Variants in RUFY1 observed in about 807,000 individuals in gnomAD.
RUFY1 encodes the protein RUN and FYVE domain containing 1.
Under a neutral mutation model 94.6 loss-of-function variants are expected in RUFY1, and 54 were observed. That is an observed-to-expected ratio of 0.57 (90% CI 0.46 to 0.72). The LOEUF is 0.72. Ranked by LOEUF, RUFY1 falls within the 30% of genes least tolerant of loss-of-function variation. The probability of loss-of-function intolerance (pLI) is 0.00; values close to 1 mark genes in which losing one functional copy is unlikely to be tolerated. For missense variants in RUFY1, 883 were observed against 883.9 expected, an observed-to-expected ratio of 1.00 and a Z score of 0.01; for synonymous variants, 396 against 347.3, an observed-to-expected ratio of 1.14 and a Z score of -1.56.
At chr5:179,558,324 G>A (rs1267531412) in intron 1 of RUFY1, among the ~76,000 whole-genome samples, 1 of 152,096 alleles carries the variant, frequency 6.6e-6, no homozygotes. Flanking sequence ...TGTAATCCTA[G>A]CACTTTGGGA....
intron 5 of RUFY1, among the ~76,000 whole-genome samples, chr5:179,574,762 T>C (rs932936779): frequency 2.0e-5 from 3 of 152,224 alleles, no homozygotes; most frequent in Non-Finnish European, 4.4e-5. Context: ...TGATCACACT[T>C]AGTAGAAATT....
chr5:179,586,577 G>A (rs1050091249), intron 8 of RUFY1: 7 of 384,886 alleles, frequency 1.8e-5, no homozygotes, highest in Non-Finnish European at 2.6e-5. Flanking sequence ...GGTTACAGCA[G>A]AGAAGAGAGC....
intron 5 of RUFY1, 90 bp from the exon 6 acceptor site, chr5:179,576,985 G>T: frequency 1.1e-6 from 1 of 909,504 alleles, no homozygotes; most frequent in Non-Finnish European, 1.8e-6. Flanking sequence ...ATAGGAAAGA[G>T]ATAAGAATGA....
intron 15 of RUFY1, 158 bp downstream of exon 15, chr5:179,602,144 A>G (rs1296008711): frequency 3.2e-6 from 2 of 630,420 alleles, no homozygotes; most frequent in Non-Finnish European, 5.7e-6. Flanking sequence ...GCCCGGCCTC[A>G]GAGGGGCCCA....
chr5:179,564,793 G>A (rs4700810), intron 3 of RUFY1, among the ~76,000 whole-genome samples: 62,122 of 152,002 alleles, frequency 0.41, 13,164 homozygotes, highest in East Asian at 0.73. Flanking sequence ...TATTGCAGTC[G>A]TTATTGGTAA....
chr5:179,570,069 G>A (rs1399934511), intron 5 of RUFY1, among the ~76,000 whole-genome samples: 1 of 150,276 alleles, frequency 6.7e-6, no homozygotes, highest in Admixed American at 6.7e-5. Context: ...TAGTAGAGAT[G>A]GTGTTTCACC....
At chr5:179,588,737 T>G (rs180728274) in intron 8 of RUFY1, among the ~76,000 whole-genome samples, 11 of 152,322 alleles carry the variant, frequency 7.2e-5, no homozygotes, top group African/African-American at 2.6e-4. Context: ...CAACTTTTCT[T>G]TTTTCTTTTT....
intron 7 of RUFY1, among the ~76,000 whole-genome samples, chr5:179,582,208 C>T (rs1764217851): frequency 6.6e-6 from 1 of 151,938 alleles, no homozygotes; most frequent in African/African-American, 2.4e-5. Context: ...GGAATAAACT[C>T]CACTTGATCA....
chr5:179,568,886 C>T (rs746316335), intron 4 of RUFY1: 7 of 298,062 alleles, frequency 2.3e-5, no homozygotes, highest in African/African-American at 4.5e-5. Flanking sequence ...GATGTTGCTC[C>T]GTGGGACGCA....
intron 1 of RUFY1, among the ~76,000 whole-genome samples, chr5:179,559,355 C>G (rs1054100618): frequency 2.6e-5 from 4 of 152,136 alleles, no homozygotes; most frequent in Non-Finnish European, 5.9e-5. Flanking sequence ...TTTTCCTTAC[C>G]AAAAAACAAA....
At chr5:179,556,942 G>C (rs920975768) in intron 1 of RUFY1, among the ~76,000 whole-genome samples, 1 of 152,154 alleles carries the variant, frequency 6.6e-6, no homozygotes, top group Non-Finnish European at 1.5e-5. Flanking sequence ...GTTTGTTTTA[G>C]TAATGTTGGT....
intron 5 of RUFY1, among the ~76,000 whole-genome samples, chr5:179,575,688 G>A (rs936821495): frequency 2.0e-5 from 3 of 152,138 alleles, no homozygotes; most frequent in Non-Finnish European, 4.4e-5. Flanking sequence ...TGTTAGAACC[G>A]TTACACATAG....
intron 14 of RUFY1, among the ~76,000 whole-genome samples, chr5:179,600,360 A>G (rs1251140669): frequency 1.3e-5 from 2 of 152,140 alleles, no homozygotes; most frequent in Non-Finnish European, 2.9e-5. Context: ...CACTGGCCCC[A>G]GGTGTCAGTG....
At chr5:179,560,911 A>G (rs79572791) in intron 2 of RUFY1, among the ~76,000 whole-genome samples, 2,734 of 151,316 alleles carry the variant, frequency 0.018, 31 homozygotes, top group Non-Finnish European at 0.027. Context: ...CATATTCAAT[A>G]TTTAAAAGCC....
chr5:179,580,534 G>A (rs1185214228), intron 6 of RUFY1, among the ~76,000 whole-genome samples: 2 of 148,940 alleles, frequency 1.3e-5, no homozygotes, highest in African/African-American at 4.9e-5. Flanking sequence ...GAGCCACCAC[G>A]CCTGGCCAGT....
At chr5:179,566,642 A>C (rs1762853683) in intron 3 of RUFY1, among the ~76,000 whole-genome samples, 1 of 148,954 alleles carries the variant, frequency 6.7e-6, no homozygotes, top group Admixed American at 6.7e-5. Context: ...AAAAAAAAAA[A>C]GATTGGTTCC....
chr5:179,583,351 T>C (rs1764314508), intron 7 of RUFY1, among the ~76,000 whole-genome samples: 1 of 151,666 alleles, frequency 6.6e-6, no homozygotes, highest in African/African-American at 2.4e-5. Flanking sequence ...CGTTGCTAGC[T>C]TTTCAGTTTT....
intron 13 of RUFY1, 185 bp downstream of exon 13, chr5:179,596,866 A>T: frequency 1.4e-6 from 1 of 732,446 alleles, no homozygotes; most frequent in South Asian, 2.3e-5. Flanking sequence ...CCCTCCCCAC[A>T]GGGCTCCTCA....
intron 1 of RUFY1, among the ~76,000 whole-genome samples, chr5:179,553,486 T>C (rs533749511): frequency 2.6e-4 from 39 of 152,230 alleles, no homozygotes; most frequent in African/African-American, 9.1e-4. Context: ...ATATCCCATA[T>C]GGATTTAAAA....
Sources: allele counts gnomAD v4.1 joint callset (sites outside exome capture counted in the v4.1 genomes callset), GRCh38; gene constraint gnomAD v4.1.1; transcripts MANE v1.5; gene names NCBI Gene and HGNC (gene_info 2026-07-23, HGNC 2026-07-21).